CAMSAP1: variants seen among roughly 807,000 people sequenced by gnomAD.
CAMSAP1 encodes the protein calmodulin regulated spectrin associated protein 1, also known as calmodulin-regulated spectrin-associated protein 1.
In CAMSAP1, 58 loss-of-function variants were observed where a neutral mutation model predicts 143.5. That is an observed-to-expected ratio of 0.40 (90% CI 0.33 to 0.50). The LOEUF (loss-of-function observed/expected upper bound fraction) is 0.50. CAMSAP1 is among the 20% of genes least tolerant of loss of function. The pLI, the probability that CAMSAP1 is intolerant of heterozygous loss-of-function variation, is 0.45. For synonymous variants in CAMSAP1, 945 were observed against 859.3 expected (o/e 1.10, Z -1.74); for missense variants, 1,969 against 2,115.7 (o/e 0.93, Z 1.36).
At chr9:135,886,473 C>T (rs1437856784) in intron 1 of CAMSAP1, among the ~76,000 whole-genome samples, 1 of 152,102 alleles carries the variant, frequency 6.6e-6, no homozygotes, top group East Asian at 1.9e-4. Context: ...ATGAAAATGA[C>T]CCTGTTAAGA....
chr9:135,868,214 G>A (rs1837450045), intron 3 of CAMSAP1, among the ~76,000 whole-genome samples: 1 of 150,848 alleles, frequency 6.6e-6, no homozygotes, highest in Non-Finnish European at 1.5e-5. Flanking sequence ...TGAAGGAAAC[G>A]ATACAGATGG....
At chr9:135,813,473 A>G (rs1194240312) in intron 16 of CAMSAP1, among the ~76,000 whole-genome samples, 1 of 152,240 alleles carries the variant, frequency 6.6e-6, no homozygotes, top group African/African-American at 2.4e-5. Flanking sequence ...CTGTGTTTAA[A>G]TATGAACAGA....
intron 3 of CAMSAP1, among the ~76,000 whole-genome samples, chr9:135,880,544 G>T (rs1837908936): frequency 6.6e-6 from 1 of 151,208 alleles, no homozygotes; most frequent in East Asian, 1.9e-4. Context: ...CAAGAGCAGG[G>T]CAACTGTCTT....
At chr9:135,869,042 G>A (rs1306726636) in intron 3 of CAMSAP1, among the ~76,000 whole-genome samples, 3 of 152,128 alleles carry the variant, frequency 2.0e-5, no homozygotes, top group South Asian at 2.1e-4. Context: ...GCAAAACCCT[G>A]GGTGGGTAAA....
chr9:135,873,702 A>G (rs755735374), intron 3 of CAMSAP1, among the ~76,000 whole-genome samples: 13 of 152,146 alleles, frequency 8.5e-5, no homozygotes, highest in Non-Finnish European at 1.6e-4. Context: ...GAAAGTCACA[A>G]ATTACCAAAG....
At chr9:135,854,177 T>C (rs73559439) in intron 5 of CAMSAP1, among the ~76,000 whole-genome samples, 2,928 of 152,294 alleles carry the variant, frequency 0.019, 101 homozygotes, top group African/African-American at 0.067. Context: ...TCCCTGTGGA[T>C]GTATGTGTTG....
chr9:135,815,930 C>T lies in CAMSAP1; in HGVS notation c.4347G>A (p.Ala1449=), dbSNP rs775741548. 12 of 1,613,680 alleles carry T rather than the reference C, an allele frequency of 7.4e-6. No individual in the cohort carries two copies. In the Admixed American group the frequency reaches 1.2e-4, roughly 16 times the overall value. ...SRSTDRDWET[A]SAASSLASVA... is the part of the protein sequence containing the mutation. ...CTGAGGCCAGGGAAGATGCCGCCGACGCGGTCTCCCAGTCTCGGTCTGTGC... is the reference window on the plus strand; with the variant it reads ...CTGAGGCCAGGGAAGATGCCGCCGATGCGGTCTCCCAGTCTCGGTCTGTGC... The change falls in exon 15 of 17, where the codon GCG becomes GCA. Residue 1449 remains alanine (A), a synonymous_variant. Transcript: ENST00000389532.
Position 135,851,419 on chromosome 9 carries a change from G to A in CAMSAP1, c.809-958C>T, listed in dbSNP as rs78267322. Among the ~76,000 whole-genome samples the A allele has an allele frequency of 6.3e-3, 962 of 152,266 alleles. 5 individuals are homozygous for A. Among genetic ancestry groups the A allele is most frequent in the Non-Finnish European group, 0.011 (717 of 68,020 alleles). On this transcript the variant is annotated intron_variant, in intron 5 of 16. Transcript: ENST00000389532. ...CTCAAAAGAAAACTTTAAAGCTGAG[G>A]AACTGTGCACACTCACACTGCTAAG...
chr9:135,836,604 CA>C (rs1281207398), intron 7 of CAMSAP1: 1 of 982,382 alleles, frequency 1.0e-6, no homozygotes, highest in African/African-American at 1.8e-5. Context: ...TGCAGCCACA[CA>C]TCGCCACGTA....
In CAMSAP1 at chr9:135,821,812, G is replaced by A; in HGVS notation, c.2849C>T (p.Ala950Val). 6.2e-7 allele frequency: 1 copy of A among 1,614,022 alleles called. No homozygotes were observed. The highest frequency in any genetic ancestry group is 8.5e-7 in the Non-Finnish European group (1 of 1,179,900). Residue 950 changes from alanine (A) to valine (V), a missense_variant, in exon 11 of 17, where the codon GCT becomes GTT. Physicochemically the swap from Ala to Val is moderately conservative, Grantham distance 64 (BLOSUM62 0). Transcript: ENST00000389532. The surrounding 1 kb of genome is among the most constrained non-coding windows in gnomAD (Gnocchi z 4.6). Reference sequence around the variant, plus strand: ...GAGAAAGTCTTCGGTTTTGGAAACAGCGTCCCCACAGTCCTCCCCGTTGTG... The same window carrying A: ...GAGAAAGTCTTCGGTTTTGGAAACAACGTCCCCACAGTCCTCCCCGTTGTG... Reference protein sequence around the residue: ...SQHNGEDCGDAVSKTEDFLVK... With the variant: ...SQHNGEDCGDVVSKTEDFLVK...
chr9:135,882,695 G>A lies in CAMSAP1; in HGVS notation c.423+121C>T, dbSNP rs1367232414. 1 of 1,195,552 alleles carries A rather than the reference G, an allele frequency of 8.4e-7. No homozygotes were observed. The highest frequency in any genetic ancestry group is 2.6e-5 in the Admixed American group (1 of 37,934). The allele number at this position is 1,195,552 out of a possible 1,614,324, so 74.1% of individuals were successfully genotyped here. A position where few individuals can be genotyped will look rare whatever the true frequency, so the allele number is the denominator to read the frequency against. On this transcript the variant is annotated intron_variant, in intron 2 of 16. Coordinates refer to ENST00000389532, the MANE Select transcript of CAMSAP1 (RefSeq NM_015447.4). This position sits in a 1 kb window ranked among gnomAD's most constrained non-coding sequence, Gnocchi z 4.9. ...TCCTAAGGAACGCCAGTGTGCAAAA[G>A]CACGGGTCTCCACCACCTCGCCGCA... is the stretch of plus-strand genomic sequence containing the variant.
chr9:135,848,912 G>A (rs1036441977), intron 7 of CAMSAP1, among the ~76,000 whole-genome samples: 56 of 152,226 alleles, frequency 3.7e-4, no homozygotes, highest in Admixed American at 9.2e-4. Flanking sequence ...AGCTTCAGAG[G>A]CTGCTCCAAG....
chr9:135,857,439 G>T (rs1373154912), intron 5 of CAMSAP1, among the ~76,000 whole-genome samples: 1 of 152,126 alleles, frequency 6.6e-6, no homozygotes, highest in East Asian at 1.9e-4. Flanking sequence ...ATTTGCCAGA[G>T]AATTCTAAAC....
chr9:135,892,813 T>C (rs1838324571), intron 1 of CAMSAP1, among the ~76,000 whole-genome samples: 1 of 112,964 alleles, frequency 8.9e-6, no homozygotes, highest in East Asian at 2.5e-4. Context: ...ATCACAACAT[T>C]GCACTCCAGC....
chr9:135,819,290 ACT>A lies in CAMSAP1; in HGVS notation c.3823-146_3823-145del, dbSNP rs1352259167. 10 of 1,166,384 alleles carry A rather than the reference ACT, an allele frequency of 8.6e-6. No homozygotes were observed. The African/African-American group carries it at 1.4e-4, about 16-fold the overall frequency. 72.3% of individuals were successfully genotyped at this position (1,166,384 alleles called of 1,614,324 possible). ...CTATGCTTTTCTCTAACCGTTACAGACTCTGAAATACGAATGAAGACAAACCA... is the reference window on the plus strand; with the variant it reads ...CTATGCTTTTCTCTAACCGTTACAGACTGAAATACGAATGAAGACAAACCA... On this transcript the variant is annotated intron_variant, in intron 11 of 16. Coordinates refer to ENST00000389532, the MANE Select transcript of CAMSAP1 (RefSeq NM_015447.4).
chr9:135,819,168 G>C, intron 11 of CAMSAP1, 22 bp from the exon 12 acceptor site: 1 of 1,590,040 alleles, frequency 6.3e-7, no homozygotes, highest in Non-Finnish European at 8.6e-7. Flanking sequence ...AGGCCACACA[G>C]AGCATGACAG....
intron 3 of CAMSAP1, among the ~76,000 whole-genome samples, chr9:135,879,762 G>A (rs996972500): frequency 2.0e-5 from 3 of 151,928 alleles, no homozygotes; most frequent in Non-Finnish European, 4.4e-5. Flanking sequence ...GTGGCTGGAC[G>A]GAGACTACTG....
At chr9:135,852,964 C>T (rs2130909690) in intron 5 of CAMSAP1, among the ~76,000 whole-genome samples, 1 of 152,312 alleles carries the variant, frequency 6.6e-6, no homozygotes, top group Non-Finnish European at 1.5e-5. Context: ...AAGCCATCCA[C>T]ACGTGGAGAG....
Position 135,818,223 on chromosome 9 carries a change from C to T in CAMSAP1, c.4169-144G>A, listed in dbSNP as rs1197496087. On this transcript the variant is annotated intron_variant, in intron 13 of 16. Coordinates refer to ENST00000389532, the MANE Select transcript of CAMSAP1 (RefSeq NM_015447.4). This position sits in a 1 kb window ranked among gnomAD's most constrained non-coding sequence, Gnocchi z 7.7. Reference sequence around the variant, plus strand: ...CACCCCATCCCGGGGAGCCGGGCTGCGCCTGGATGTGCCGCACATCTCAGA... The same window carrying T: ...CACCCCATCCCGGGGAGCCGGGCTGTGCCTGGATGTGCCGCACATCTCAGA... The T allele has an allele frequency of 9.8e-6, 11 of 1,125,482 alleles. No individual in the cohort carries two copies. The highest frequency in any genetic ancestry group is 2.0e-4 in the Middle Eastern group (1 of 5,076). 69.7% of individuals were successfully genotyped at this position (1,125,482 alleles called of 1,614,324 possible).
Sources: allele counts gnomAD v4.1 joint callset (sites outside exome capture counted in the v4.1 genomes callset), GRCh38; gene constraint gnomAD v4.1.1; non-coding constraint Gnocchi (gnomAD v3.1); transcripts MANE v1.5; gene names NCBI Gene and HGNC (gene_info 2026-07-23, HGNC 2026-07-21).